Variants in SFI1 observed in about 807,000 individuals in gnomAD.
The protein encoded by SFI1 is SFI1 centrin binding protein.
In SFI1, 195 loss-of-function variants were observed where a neutral mutation model predicts 207.5. The observed-to-expected ratio is 0.94, with a 90% CI of 0.84 to 1.06. SFI1 has a LOEUF of 1.06. Among genes scored for constraint, SFI1 ranks in the 50% least tolerant of loss-of-function variants. The pLI is 0.00. For missense variants in SFI1, 1,634 were observed against 1,588.0 expected, an observed-to-expected ratio of 1.03 and a Z score of -0.49; for synonymous variants, 630 against 598.9, an observed-to-expected ratio of 1.05 and a Z score of -0.76.
intron 2 of SFI1, among the ~76,000 whole-genome samples, chr22:31,524,167 A>G (rs2057623211): frequency 6.6e-6 from 1 of 151,922 alleles, no homozygotes; most frequent in African/African-American, 2.4e-5. Flanking sequence ...GCGCCATTGC[A>G]CTCCAGCCTG....
rs867544375 is a variant in SFI1, at chr22:31,589,215, T to C, written c.1414-232T>C. Among the ~76,000 whole-genome samples the C allele has an allele frequency of 1.0e-4, 13 of 130,620 alleles. No individual in the cohort carries two copies. The East Asian group carries it at 1.0e-3, about 10-fold the overall frequency. 85.7% of individuals were successfully genotyped at this position (130,620 alleles called of 152,430 possible). On this transcript the variant is annotated intron_variant, in intron 14 of 32. Transcript: ENST00000400288. ...GAGAGTGTGTGTATGTGTGTGCGTG[T>C]GTGTGTGTGTGTGTGTGTGTAGAAA...
chr22:31,565,560 G>A (rs939966784), intron 8 of SFI1, among the ~76,000 whole-genome samples: 3 of 151,522 alleles, frequency 2.0e-5, no homozygotes, highest in Non-Finnish European at 2.9e-5. Context: ...TTAGCTAGAC[G>A]TGGTGGCGCA....
chr22:31,595,035 C>T (rs991965193), intron 15 of SFI1, among the ~76,000 whole-genome samples: 8 of 151,940 alleles, frequency 5.3e-5, no homozygotes, highest in East Asian at 1.9e-4. Flanking sequence ...CTTGTCCTTT[C>T]GCCCAGGCTG....
chr22:31,618,352 G>C lies in SFI1; in HGVS notation c.3663G>C (p.Gln1221His), dbSNP rs752618029. 2.9e-5 allele frequency: 46 copies of C among 1,609,490 alleles called. No individual in the cohort carries two copies. The East Asian group carries it at 9.2e-4, about 32-fold the overall frequency. The change falls in exon 33 of 33, where the codon CAG (glutamine) becomes CAC (histidine). Residue 1221 changes from glutamine (Q) to histidine (H), a missense_variant. Coordinates refer to ENST00000400288, the MANE Select transcript of SFI1 (RefSeq NM_001007467.3). ...MQIQLLAEEL[Q>H]AQRQPIGACV... ...TCCAGCTGCTGGCAGAGGAGCTCCA[G>C]GCTCAGCGCCAGCCCATTGGCGCCT...
chr22:31,496,162 C>G (rs1272325781), upstream of SFI1: 1 of 152,282 alleles, frequency 6.6e-6, no homozygotes, highest in South Asian at 2.1e-4. Context: ...GGAGGACTTT[C>G]GTACGCAGCC....
intron 9 of SFI1, among the ~76,000 whole-genome samples, chr22:31,574,691 C>T (rs910981228): frequency 6.6e-6 from 1 of 152,186 alleles, no homozygotes; most frequent in African/African-American, 2.4e-5. Flanking sequence ...CCTAAAATCA[C>T]AGACCTTTTC....
intron 8 of SFI1, among the ~76,000 whole-genome samples, chr22:31,561,956 TAGAAC>T (rs1437180260): frequency 1.3e-5 from 2 of 151,968 alleles, no homozygotes; most frequent in African/African-American, 2.4e-5. Context: ...TTATAGGAAA[TAGAAC>T]AGAGAAGAGG....
intron 27 of SFI1, 157 bp from the exon 28 acceptor site, chr22:31,614,632 G>A: frequency 1.3e-6 from 1 of 781,398 alleles, no homozygotes; most frequent in South Asian, 1.5e-5. Flanking sequence ...ACTGCTGGGA[G>A]CTCTATGGCC....
At chr22:31,618,000 C>T in intron 31 of SFI1, 115 bp from the exon 32 acceptor site, 3 of 1,196,502 alleles carry the variant, frequency 2.5e-6, no homozygotes, top group Non-Finnish European at 3.5e-6. Context: ...CCCTACCAGA[C>T]CACCTCTCTC....
intron 29 of SFI1, 91 bp from the exon 30 acceptor site, chr22:31,616,654 T>C: frequency 7.1e-7 from 1 of 1,406,088 alleles, no homozygotes; most frequent in Non-Finnish European, 9.6e-7. Flanking sequence ...CCCCCACCCC[T>C]GCAGGGCAGG....
intron 2 of SFI1, among the ~76,000 whole-genome samples, chr22:31,512,539 C>T (rs1366371981): frequency 1.3e-5 from 2 of 150,936 alleles, no homozygotes; most frequent in South Asian, 2.1e-4. Context: ...TTTTTTGAGA[C>T]GGAGTCTCGC....
intron 12 of SFI1, 128 bp downstream of exon 12, chr22:31,580,492 A>T: frequency 3.3e-6 from 2 of 599,086 alleles, no homozygotes; most frequent in South Asian, 2.3e-5. Context: ...ATTTGTCCAG[A>T]CTGTCAACTG....
intron 15 of SFI1, among the ~76,000 whole-genome samples, chr22:31,598,483 T>C (rs28873672): frequency 1.3e-5 from 2 of 150,454 alleles, no homozygotes; most frequent in East Asian, 4.0e-4. Context: ...GCAGTGGCGC[T>C]GTCTCAGCTC....
chr22:31,595,197 C>CTTTGGAGTTTTGCT (rs2066920294), intron 15 of SFI1, among the ~76,000 whole-genome samples: 1 of 152,008 alleles, frequency 6.6e-6, no homozygotes, highest in African/African-American at 2.4e-5. Context: ...GGGGTTTCAC[C>CTTTGGAGTTTTGCT]ATGTTGGCCA....
intron 17 of SFI1, 110 bp downstream of exon 17, chr22:31,602,895 C>T: frequency 8.0e-7 from 1 of 1,252,500 alleles, no homozygotes; most frequent in Admixed American, 2.6e-5. Flanking sequence ...TTACCCCAGA[C>T]TCTGGTTGTA....
chr22:31,587,754 TG>T (rs1157376907), intron 14 of SFI1: 1 of 152,288 alleles, frequency 6.6e-6, no homozygotes, highest in Non-Finnish European at 1.5e-5. Context: ...GGTAGGGTCA[TG>T]GGTATTCATT....
At chr22:31,586,496 G>A (rs1015705731) in intron 14 of SFI1, among the ~76,000 whole-genome samples, 3 of 152,220 alleles carry the variant, frequency 2.0e-5, no homozygotes, top group Non-Finnish European at 4.4e-5. Context: ...TAAGTCGATA[G>A]AGCTTGGATG....
rs140693566 is a variant in SFI1 at position 31,556,645 on chromosome 22, C to T, written c.545-297C>T. Among the ~76,000 whole-genome samples, 86 of 152,272 alleles carry T rather than the reference C, an allele frequency of 5.6e-4. No individual in the cohort carries two copies. In the East Asian group the frequency reaches 0.015, roughly 26 times the overall value. On this transcript the variant is annotated intron_variant, in intron 6 of 32. Transcript: ENST00000400288. ...TGCTGCCTGTTTATTCATATCATTT[C>T]GTCTAAAAATTGCAGAGTATATCTA...
At chr22:31,544,909 ATTGT>A (rs1349463080) in intron 4 of SFI1, among the ~76,000 whole-genome samples, 3 of 152,110 alleles carry the variant, frequency 2.0e-5, no homozygotes, top group South Asian at 4.1e-4. Flanking sequence ...AGTTTTTTTG[ATTGT>A]TTAAGAGACA....
Sources: allele counts gnomAD v4.1 joint callset (sites outside exome capture counted in the v4.1 genomes callset), GRCh38; gene constraint gnomAD v4.1.1; transcripts MANE v1.5; gene names NCBI Gene and HGNC (gene_info 2026-07-23, HGNC 2026-07-21).